The following USP49 variants were observed in gnomAD, a reference collection of about 807,000 sequenced individuals.
USP49 encodes ubiquitin carboxyl-terminal hydrolase 49.
USP49 carries 24 observed loss-of-function variants against 58.6 expected under a neutral mutation model. The ratio of observed to expected loss-of-function variants is 0.41; its 90% CI spans 0.30 to 0.58. The LOEUF (loss-of-function observed/expected upper bound fraction) is 0.58, where lower values mean the gene tolerates loss of function less well. Among genes scored for constraint, USP49 ranks in the 20% least tolerant of loss-of-function variants. USP49 has a pLI of 0.30. For synonymous variants in USP49, 408 were observed against 365.1 expected (o/e 1.12, Z -1.34); for missense variants, 703 against 866.1 (o/e 0.81, Z 2.36).
At chr6:41,866,183 G>A (rs1774316304) in intron 3 of USP49, among the ~76,000 whole-genome samples, 1 of 151,668 alleles carries the variant, frequency 6.6e-6, no homozygotes, top group Non-Finnish European at 1.5e-5. Flanking sequence ...GCCTCCCAAA[G>A]TGCTGGTATA....
intron 3 of USP49, among the ~76,000 whole-genome samples, chr6:41,866,447 T>C (rs1182194927): frequency 6.6e-6 from 1 of 152,058 alleles, no homozygotes; most frequent in Non-Finnish European, 1.5e-5. Flanking sequence ...TAGAACACAG[T>C]GGGTGTTCAG....
chr6:41,844,649 G>A (rs960100089), intron 3 of USP49, among the ~76,000 whole-genome samples: 7 of 152,064 alleles, frequency 4.6e-5, no homozygotes, highest in Non-Finnish European at 8.8e-5. Flanking sequence ...AAAGACTTGC[G>A]TTATCCATCA....
At chr6:41,845,459 G>A (rs1773906191) in intron 3 of USP49, among the ~76,000 whole-genome samples, 1 of 151,978 alleles carries the variant, frequency 6.6e-6, no homozygotes, top group Non-Finnish European at 1.5e-5. Flanking sequence ...GGCGGAGGTT[G>A]TGGTAAGCTG....
At chr6:41,880,587 T>C (rs1430837228) in intron 2 of USP49, among the ~76,000 whole-genome samples, 1 of 152,162 alleles carries the variant, frequency 6.6e-6, no homozygotes, top group Non-Finnish European at 1.5e-5. Flanking sequence ...TAGAAGCCAA[T>C]AGAGTGATGC....
At chr6:41,797,211 C>T (rs547847330) in intron 7 of USP49, among the ~76,000 whole-genome samples, 137 of 152,230 alleles carry the variant, frequency 9.0e-4, no homozygotes, top group African/African-American at 3.2e-3. Context: ...CCGCCCGCCT[C>T]GGCCTCCCAG....
Position 41,793,136 on chromosome 6 carries a change from T to G in USP49, c.*3397A>C, listed in dbSNP as rs1209710177. The G allele has an allele frequency of 1.3e-5, 2 of 152,240 alleles. No homozygotes were observed. Among genetic ancestry groups the G allele is most frequent in the East Asian group, 3.8e-4 (2 of 5,204 alleles). 9.4% of individuals were successfully genotyped at this position (152,240 alleles called of 1,614,324 possible). On this transcript the variant is annotated 3_prime_UTR_variant, in exon 8 of 8. Coordinates refer to ENST00000682992, the MANE Select transcript of USP49 (RefSeq NM_001286554.2). Reference sequence around the variant, plus strand: ...CATACAATCATTGACTCTAGAAGCCTTGCCATTAAAAACAAAAATAAACTC... The same window carrying G: ...CATACAATCATTGACTCTAGAAGCCGTGCCATTAAAAACAAAAATAAACTC...
At chr6:41,817,167 T>TTTTTTTTTTTTTTTTTTTTA (rs60908132) in intron 3 of USP49, among the ~76,000 whole-genome samples, 2 of 135,538 alleles carry the variant, frequency 1.5e-5, no homozygotes, top group African/African-American at 3.0e-5. Context: ...TTTTTTTTTT[T>TTTTTTTTTTTTTTTTTTTTA]GAGACAGAGT....
rs1463303689 is a variant in USP49 at position 41,790,596 on chromosome 6, G to A, written c.*5937C>T. 2 of 152,088 alleles carry A rather than the reference G, an allele frequency of 1.3e-5. No individual in the cohort carries two copies. The highest frequency in any genetic ancestry group is 2.9e-5 in the Non-Finnish European group (2 of 68,024). The allele number at this position is 152,088 out of a possible 1,614,324, so 9.4% of individuals were successfully genotyped here. ...TAAAGGACGTTAATTGGAAAGGAGG[G>A]TCAGTATATAAGGACCACAGTGGCC... On this transcript the variant is annotated 3_prime_UTR_variant, in exon 8 of 8. Transcript: ENST00000682992.
At chr6:41,800,153 G>A (rs1000876614) in intron 5 of USP49, among the ~76,000 whole-genome samples, 16 of 152,150 alleles carry the variant, frequency 1.1e-4, no homozygotes, top group African/African-American at 3.6e-4. Flanking sequence ...TAAGATGAAA[G>A]GAATGACTGT....
chr6:41,798,649 A>G, intron 7 of USP49, 75 bp downstream of exon 7: 1 of 1,608,434 alleles, frequency 6.2e-7, no homozygotes, highest in Non-Finnish European at 8.5e-7. Flanking sequence ...GGATGGAAAT[A>G]AAAGGAAAAC....
intron 2 of USP49, among the ~76,000 whole-genome samples, chr6:41,880,190 A>C (rs900504223): frequency 1.3e-5 from 2 of 152,056 alleles, no homozygotes; most frequent in Non-Finnish European, 2.9e-5. Context: ...ATATAAAACT[A>C]ATTAGAAAGG....
intron 3 of USP49, among the ~76,000 whole-genome samples, chr6:41,850,992 T>A (rs1774017738): frequency 6.6e-6 from 1 of 152,020 alleles, no homozygotes; most frequent in Non-Finnish European, 1.5e-5. Context: ...GGAGATTAAA[T>A]CAGTAACCAA....
chr6:41,816,304 A>G (rs1299702356), intron 3 of USP49, among the ~76,000 whole-genome samples: 3 of 152,212 alleles, frequency 2.0e-5, no homozygotes, highest in Non-Finnish European at 1.5e-5. Flanking sequence ...CTTTTTGTAG[A>G]AACTGTTTTC....
chr6:41,830,672 CA>C (rs561206597), intron 3 of USP49, among the ~76,000 whole-genome samples: 15 of 151,670 alleles, frequency 9.9e-5, no homozygotes, highest in Non-Finnish European at 2.2e-4. Flanking sequence ...ACTAAAAATA[CA>C]AAAATTAGCT....
chr6:41,822,951 G>T (rs1281769024), intron 3 of USP49, among the ~76,000 whole-genome samples: 1 of 152,088 alleles, frequency 6.6e-6, no homozygotes, highest in African/African-American at 2.4e-5. Flanking sequence ...GCTACAAAGA[G>T]ATCATTCATC....
intron 3 of USP49, among the ~76,000 whole-genome samples, chr6:41,829,018 C>T (rs940301510): frequency 2.0e-5 from 3 of 152,108 alleles, no homozygotes; most frequent in Admixed American, 6.6e-5. Flanking sequence ...GTTTTCTCCC[C>T]AAGATATATA....
intron 3 of USP49, among the ~76,000 whole-genome samples, chr6:41,860,498 ATTT>A (rs1774201020): frequency 6.6e-6 from 1 of 151,900 alleles, no homozygotes; most frequent in Non-Finnish European, 1.5e-5. Context: ...AGTTTTTATT[ATTT>A]GTTTATTTAT....
At chr6:41,828,127 A>T (rs1041484552) in intron 3 of USP49, among the ~76,000 whole-genome samples, 1 of 152,142 alleles carries the variant, frequency 6.6e-6, no homozygotes. Context: ...TACCACTCAC[A>T]TAAGAACTTA....
intron 3 of USP49, among the ~76,000 whole-genome samples, chr6:41,847,933 A>G (rs1198217193): frequency 6.6e-6 from 1 of 152,232 alleles, no homozygotes; most frequent in Admixed American, 6.5e-5. Context: ...AAAGAACCTC[A>G]AAGGACTTCA....
Sources: allele counts gnomAD v4.1 joint callset (sites outside exome capture counted in the v4.1 genomes callset), GRCh38; gene constraint gnomAD v4.1.1; transcripts MANE v1.5; gene names NCBI Gene and HGNC (gene_info 2026-07-23, HGNC 2026-07-21).